MMUT: variants seen among roughly 807,000 people sequenced by gnomAD.
MMUT encodes methylmalonyl-CoA mutase, mitochondrial.
Under a neutral mutation model 79.9 loss-of-function variants are expected in MMUT, and 79 were observed. The ratio of observed to expected loss-of-function variants is 0.99; its 90% CI spans 0.82 to 1.19. The LOEUF (loss-of-function observed/expected upper bound fraction) is 1.19, where lower values mean the gene tolerates loss of function less well. MMUT is among the 50% of genes most tolerant of loss of function. The probability of loss-of-function intolerance (pLI) is 0.00; values close to 1 mark genes in which losing one functional copy is unlikely to be tolerated. For synonymous variants in MMUT, 273 were observed against 295.7 expected (o/e 0.92, Z 0.79); for missense variants, 860 against 917.2 (o/e 0.94, Z 0.81).
intron 10 of MMUT, among the ~76,000 whole-genome samples, chr6:49,441,563 A>G (rs1767274180): frequency 6.7e-6 from 1 of 150,230 alleles, no homozygotes; most frequent in South Asian, 2.1e-4. Context: ...GATATTTATT[A>G]TTAAATATTA....
rs775261191 is a variant in MMUT, at chr6:49,448,902, C to T, written c.1358G>A (p.Gly453Asp). ...CTCAGCTACAGCTTTGGCCATTCCA[C>T]CCATTTCTTCAATTTCATTAATGAG... ...LKLINEIEEM[G>D]GMAKAVAEGI... Residue 453 changes from glycine to aspartate, a missense_variant, in exon 7 of 13, where the codon GGT becomes GAT. By Grantham distance (94) the Gly-to-Asp change is moderately conservative. Transcript: ENST00000274813. 6.2e-7 allele frequency: 1 copy of T among 1,613,002 alleles called. No individual in the cohort carries two copies. Among genetic ancestry groups the T allele is most frequent in the Non-Finnish European group, 8.5e-7 (1 of 1,179,258 alleles).
chr6:49,445,348 A>G (rs1767385130), intron 8 of MMUT, among the ~76,000 whole-genome samples: 1 of 152,140 alleles, frequency 6.6e-6, no homozygotes, highest in African/African-American at 2.4e-5. Flanking sequence ...TTGTCAAAAT[A>G]AAGTTGCATA....
chr6:49,451,338 T>C (rs1362010526), intron 6 of MMUT, 128 bp downstream of exon 6: 2 of 1,108,788 alleles, frequency 1.8e-6, no homozygotes, highest in Non-Finnish European at 2.5e-6. Flanking sequence ...TAAATTATTA[T>C]ATAAATCTGT....
At chr6:49,456,703 A>G (rs781533459) in intron 3 of MMUT, among the ~76,000 whole-genome samples, 2 of 152,240 alleles carry the variant, frequency 1.3e-5, no homozygotes, top group Admixed American at 6.5e-5. Context: ...AAGGCATCAA[A>G]CATGAATAAG....
chr6:49,444,681 T>C lies in MMUT; in HGVS notation c.1634A>G (p.Asp545Gly), dbSNP rs1767365717. 1 of 1,613,428 alleles carries C rather than the reference T, an allele frequency of 6.2e-7. No homozygotes were observed. Among genetic ancestry groups the C allele is most frequent in the Non-Finnish European group, 8.5e-7 (1 of 1,179,520 alleles). Residue 545 changes from aspartate (D) to glycine (G), a missense_variant, in exon 9 of 13, where the codon GAT becomes GGT. Physicochemically the swap from Asp to Gly is moderately conservative, Grantham distance 94. Transcript: ENST00000274813. ...CACTGCAAGAGCCAGGATATTTCCA[T>C]CTCCGCTAGCAGCACATTCGGTTAG... ...AALTECAASG[D>G]GNILALAVDA...
In MMUT at chr6:49,459,157, G is replaced by A. The variant is rs537995137; in HGVS notation, c.310C>T (p.Pro104Ser). ...CCAGCATACTGGCGGATGGTCCAGG[G>A]CCTAAAGGTATACATGGTAGGATAT... ...GPYPTMYTFR[P>S]WTIRQYAGFS... The change falls in exon 2 of 13, where the codon CCC becomes TCC. Residue 104 changes from proline (P) to serine (S), a missense_variant. Pro to Ser is a moderately conservative substitution (Grantham distance 74). Coordinates refer to ENST00000274813, the MANE Select transcript of MMUT (RefSeq NM_000255.4). The A allele has an allele frequency of 1.2e-6, 2 of 1,614,156 alleles. No individual in the cohort carries two copies. The highest frequency in any genetic ancestry group is 2.7e-5 in the African/African-American group (2 of 75,030).
Position 49,440,189 on chromosome 6 carries a change from C to G in MMUT, c.1956+17G>C, listed in dbSNP as rs199735681. On this transcript the variant is annotated intron_variant, in intron 11 of 12. Coordinates refer to ENST00000274813, the MANE Select transcript of MMUT (RefSeq NM_000255.4). Reference sequence around the variant, plus strand: ...CTAGTAAATACTTTTGAAATTCCCCCCAACAGTTTTTAGTACCTGGAAAAG... The same window carrying G: ...CTAGTAAATACTTTTGAAATTCCCCGCAACAGTTTTTAGTACCTGGAAAAG... 53 of 1,613,796 alleles carry G rather than the reference C, an allele frequency of 3.3e-5. No homozygotes were observed. In the East Asian group the frequency reaches 1.2e-3, roughly 35 times the overall value.
At chr6:49,443,735 A>C (rs1767338505) in intron 9 of MMUT, 1 of 415,848 alleles carries the variant, frequency 2.4e-6, no homozygotes, top group Non-Finnish European at 4.8e-6. Context: ...TAATGATTTA[A>C]TGTCTTCTCA....
rs1049797121 is a variant in MMUT, at chr6:49,459,450, T to C, written c.17A>G (p.Asn6Ser). The C allele has an allele frequency of 1.1e-5, 17 of 1,612,140 alleles. No individual in the cohort carries two copies. The highest frequency in any genetic ancestry group is 1.3e-5 in the African/African-American group (1 of 74,870). The change falls in exon 2 of 13, where the codon AAT becomes AGT. Residue 6 changes from asparagine to serine, a missense_variant. Asn to Ser is a conservative substitution (Grantham distance 46). Transcript: ENST00000274813. Reference sequence around the variant, plus strand: ...ATGAGGTGAAAGTAAAAAAAGCTGATTCTTAGCTCTTAACATGGTGGAGCA... The same window carrying C: ...ATGAGGTGAAAGTAAAAAAAGCTGACTCTTAGCTCTTAACATGGTGGAGCA... MLRAK[N>S]QLFLLSPHYL...
chr6:49,454,316 T>C (rs916789374), intron 4 of MMUT, among the ~76,000 whole-genome samples: 6 of 152,180 alleles, frequency 3.9e-5, no homozygotes, highest in Admixed American at 3.9e-4. Flanking sequence ...TTTTTGGAAG[T>C]TCTTTTTTTG....
At chr6:49,453,855 AT>A (rs1158577388) in intron 4 of MMUT, 99 bp from the exon 5 acceptor site, 1 of 1,047,500 alleles carries the variant, frequency 9.5e-7, no homozygotes, top group Non-Finnish European at 1.4e-6. Flanking sequence ...CAAGGTCTAT[AT>A]TTTAATTTCG....
At chr6:49,451,280 T>C (rs1581829726) in intron 6 of MMUT, among the ~76,000 whole-genome samples, 186 bp downstream of exon 6, 1 of 152,318 alleles carries the variant, frequency 6.6e-6, no homozygotes, top group South Asian at 2.1e-4. Context: ...AAATGGATTG[T>C]TTTGAAAACT....
At chr6:49,458,226 ACTT>A (rs1767745154) in intron 2 of MMUT, among the ~76,000 whole-genome samples, 168 bp from the exon 3 acceptor site, 1 of 152,224 alleles carries the variant, frequency 6.6e-6, no homozygotes, top group Non-Finnish European at 1.5e-5. Flanking sequence ...AAGATACTTC[ACTT>A]CTTAAGAGAG....
At chr6:49,451,858 G>T in intron 5 of MMUT, 144 bp from the exon 6 acceptor site, 1 of 966,906 alleles carries the variant, frequency 1.0e-6, no homozygotes, top group Non-Finnish European at 1.5e-6. Context: ...AATAAATTCA[G>T]ACAAATTAGT....
chr6:49,436,158 C>T (rs994742188), intron 11 of MMUT, among the ~76,000 whole-genome samples: 2 of 152,080 alleles, frequency 1.3e-5, no homozygotes, highest in African/African-American at 4.8e-5. Flanking sequence ...GAAAATGGAA[C>T]GTTTATACAG....
In MMUT at chr6:49,431,059, A is replaced by T. The variant is rs1363476096; in HGVS notation, c.*669T>A. 6.6e-6 allele frequency: 1 copy of T among 152,258 alleles called. No homozygotes were observed. The highest frequency in any genetic ancestry group is 2.4e-5 in the African/African-American group (1 of 41,444). The allele number at this position is 152,258 out of a possible 1,614,324, so 9.4% of individuals were successfully genotyped here. A position where few individuals can be genotyped will look rare whatever the true frequency, so the allele number is the denominator to read the frequency against. ...TTTATTTAAAGGAATGTTCATCAAC[A>T]TCCACTCTCCTTGGTCTTGAGCCAA... On this transcript the variant is annotated 3_prime_UTR_variant, in exon 13 of 13. Transcript: ENST00000274813.
Position 49,457,934 on chromosome 6 carries a change from G to A in MMUT, c.510C>T (p.Thr170=). 1 of 1,613,080 alleles carries A rather than the reference G, an allele frequency of 6.2e-7. No individual in the cohort carries two copies. The highest frequency in any genetic ancestry group is 8.5e-7 in the Non-Finnish European group (1 of 1,179,932). ...AAGGAATTCCATCAAAAAGAATTTT[G>A]GTATCTTCCACAGTGTCAATAGCAA... ...AGVAIDTVED[T]KILFDGIPLE... The change falls in exon 3 of 13, where the codon ACC becomes ACT. Residue 170 remains threonine, a synonymous_variant. Transcript: ENST00000274813.
At chr6:49,449,182 A>G (rs2127417279) in intron 6 of MMUT, among the ~76,000 whole-genome samples, 1 of 152,244 alleles carries the variant, frequency 6.6e-6, no homozygotes, top group East Asian at 1.9e-4. Flanking sequence ...AGAAAATTAA[A>G]GCAACATCAA....
chr6:49,432,752 G>A (rs936681018), intron 12 of MMUT, among the ~76,000 whole-genome samples: 1 of 152,126 alleles, frequency 6.6e-6, no homozygotes, highest in African/African-American at 2.4e-5. Context: ...TAATACTGCA[G>A]GATTTAGGCT....
Sources: gnomAD v4.1 joint callset for allele counts (sites outside exome capture counted in the v4.1 genomes callset) on GRCh38, gnomAD v4.1.1 for gene constraint, MANE v1.5 for transcripts, NCBI Gene and HGNC (gene_info 2026-07-23, HGNC 2026-07-21) for gene names.